TMEM170A: variants seen among roughly 807,000 people sequenced by gnomAD.
The protein encoded by TMEM170A is transmembrane protein 170.
A neutral mutation model predicts 12.8 loss-of-function variants in TMEM170A; 18 were observed. That is an observed-to-expected ratio of 1.41 (90% CI 0.97 to 2.09). The LOEUF is 2.09. Among genes scored for constraint, TMEM170A ranks in the 30% most tolerant of loss-of-function variants. The probability of loss-of-function intolerance (pLI) is 0.00; values close to 1 mark genes in which losing one functional copy is unlikely to be tolerated. For missense variants in TMEM170A, 220 were observed against 179.9 expected, an observed-to-expected ratio of 1.22 and a Z score of -1.28; for synonymous variants, 107 against 76.2, an observed-to-expected ratio of 1.40 and a Z score of -2.11.
At chr16:75,461,876 G>C (rs540836732) in intron 1 of TMEM170A, among the ~76,000 whole-genome samples, 5 of 152,252 alleles carry the variant, frequency 3.3e-5, no homozygotes, top group African/African-American at 9.6e-5. Flanking sequence ...TCAGAAAAAA[G>C]TTCTGAAAGT....
intron 1 of TMEM170A, among the ~76,000 whole-genome samples, chr16:75,456,095 G>A (rs868789984): frequency 4.6e-5 from 7 of 152,276 alleles, no homozygotes; most frequent in South Asian, 2.1e-4. Context: ...GGAGATAGGG[G>A]TGGAGCCAAA....
rs2079531166 is a variant in TMEM170A, at chr16:75,443,227, A to G, written c.*4331T>C. On this transcript the variant is annotated 3_prime_UTR_variant, in exon 3 of 3. Coordinates refer to ENST00000561878, the MANE Select transcript of TMEM170A (RefSeq NM_145254.3). ...AACTCATTAGCCACCAAAAAGAAAT[A>G]TAATTCCAACTCAGAATTGAAAGTA... 6.6e-6 allele frequency: 1 copy of G among 152,244 alleles called. No homozygotes were observed. Among genetic ancestry groups the G allele is most frequent in the Non-Finnish European group, 1.5e-5 (1 of 68,038 alleles). 9.4% of individuals were successfully genotyped at this position (152,244 alleles called of 1,614,324 possible). A position where few individuals can be genotyped will look rare whatever the true frequency, so the allele number is the denominator to read the frequency against.
At position 75,464,541 on chromosome 16, in the gene TMEM170A, C is replaced by G; in HGVS notation, c.60G>C (p.Leu20=). The change falls in exon 1 of 3, where the codon CTG becomes CTC. Residue 20 remains leucine (L), a synonymous_variant. Coordinates refer to ENST00000561878, the MANE Select transcript of TMEM170A (RefSeq NM_145254.3). ...CCACCCGCGGCACAACCTTCAGGCT[C>G]AGGATCTGCTGCAGGAGCCCGGCCG... ...GGSAGLLQQI[L]SLKVVPRVGN... is the part of the protein sequence containing the mutation. The G allele has an allele frequency of 6.3e-7, 1 of 1,589,532 alleles. No individual in the cohort carries two copies. The highest frequency in any genetic ancestry group is 8.5e-7 in the Non-Finnish European group (1 of 1,170,374).
At chr16:75,451,237 GA>G (rs35642701) in intron 2 of TMEM170A, among the ~76,000 whole-genome samples, 80,878 of 150,626 alleles carry the variant, frequency 0.54, 22,247 homozygotes, top group Admixed American at 0.64. Context: ...CTTGGGGGTG[GA>G]AAAAAAAAAT....
intron 1 of TMEM170A, among the ~76,000 whole-genome samples, chr16:75,463,728 A>C (rs9930742): frequency 6.6e-6 from 1 of 151,916 alleles, no homozygotes; most frequent in East Asian, 1.9e-4. Flanking sequence ...CTCCTTCCCA[A>C]GTGAAGTCCT....
At chr16:75,455,680 C>T (rs1231416250) in intron 1 of TMEM170A, among the ~76,000 whole-genome samples, 1 of 152,122 alleles carries the variant, frequency 6.6e-6, no homozygotes, top group Non-Finnish European at 1.5e-5. Flanking sequence ...TGGCAAATGC[C>T]TGTAATCCCA....
chr16:75,451,794 A>G lies in TMEM170A; in HGVS notation c.179T>C (p.Phe60Ser), dbSNP rs1159205113. 5.6e-6 allele frequency: 9 copies of G among 1,613,976 alleles called. No homozygotes were observed. The highest frequency in any genetic ancestry group is 7.6e-6 in the Non-Finnish European group (9 of 1,180,030). ...CAGTAATCCAGCAGGGACATGAAAG[A>G]AGAGAGAAGACACCAGTGCCCACAG... ...VFLWALVSSL[F>S]FHVPAGLLAL... The change falls in exon 2 of 3, where the codon TTC (phenylalanine) becomes TCC (serine). Residue 60 changes from phenylalanine (F) to serine (S), a missense_variant. Coordinates refer to ENST00000561878, the MANE Select transcript of TMEM170A (RefSeq NM_145254.3).
chr16:75,447,668 A>G lies in TMEM170A; in HGVS notation c.325T>C (p.Tyr109His), dbSNP rs969546326. The change falls in exon 3 of 3, where the codon TAC (tyrosine) becomes CAC (histidine). Residue 109 changes from tyrosine to histidine, a missense_variant. Coordinates refer to ENST00000561878, the MANE Select transcript of TMEM170A (RefSeq NM_145254.3). Reference protein sequence around the residue: ...ILTSAAIAGVYRAAGKEMIPF... With the variant: ...ILTSAAIAGVHRAAGKEMIPF... ...ATCATTTCCTTCCCTGCTGCTCGGT[A>G]AACTCCAGCAATAGCTGCACCTGAT... is the stretch of plus-strand genomic sequence containing the variant. 4 of 1,604,260 alleles carry G rather than the reference A, an allele frequency of 2.5e-6. No individual in the cohort carries two copies. Among genetic ancestry groups the G allele is most frequent in the Admixed American group, 3.5e-5 (2 of 57,660 alleles).
chr16:75,464,694 C>T, upstream of TMEM170A: 1 of 1,465,528 alleles, frequency 6.8e-7, no homozygotes, highest in Non-Finnish European at 9.0e-7. Flanking sequence ...AGCGTCACCT[C>T]CAGCCGGGGT....
chr16:75,460,373 G>C (rs2079881754), intron 1 of TMEM170A, among the ~76,000 whole-genome samples: 1 of 152,082 alleles, frequency 6.6e-6, no homozygotes, highest in South Asian at 2.1e-4. Flanking sequence ...CCCCAGTAGA[G>C]CCCTCCAGGA....
At chr16:75,453,831 T>C (rs972059713) in intron 1 of TMEM170A, among the ~76,000 whole-genome samples, 2 of 152,216 alleles carry the variant, frequency 1.3e-5, no homozygotes, top group Non-Finnish European at 2.9e-5. Context: ...TCATCAACTA[T>C]GTATGAAAAA....
Position 75,447,102 on chromosome 16 carries a change from T to C in TMEM170A, c.*456A>G, listed in dbSNP as rs935512970. The C allele has an allele frequency of 6.6e-6, 1 of 152,306 alleles. No homozygotes were observed. Among genetic ancestry groups the C allele is most frequent in the Admixed American group, 6.5e-5 (1 of 15,284 alleles). 9.4% of individuals were successfully genotyped at this position (152,306 alleles called of 1,614,324 possible). On this transcript the variant is annotated 3_prime_UTR_variant, in exon 3 of 3. Transcript: ENST00000561878. ...TATTTGGCATTTATTGTCACTAAGA[T>C]GTAGCAAAGAAAAGAGTTTGCCAAA...
Position 75,464,524 on chromosome 16 carries a change from G to T in TMEM170A, c.77C>A (p.Pro26Gln), listed in dbSNP as rs199826342. 417 of 1,586,062 alleles carry T rather than the reference G, an allele frequency of 2.6e-4. 1 individual carries two copies. The highest frequency in any genetic ancestry group is 7.4e-4 in the Admixed American group (42 of 56,626). ...GCACAGGGTCCCGTTGCCCACCCGCGGCACAACCTTCAGGCTCAGGATCTG... is the reference window on the plus strand; with the variant it reads ...GCACAGGGTCCCGTTGCCCACCCGCTGCACAACCTTCAGGCTCAGGATCTG... ...LQQILSLKVV[P>Q]RVGNGTLCPN... Residue 26 changes from proline (P) to glutamine (Q), a missense_variant, in exon 1 of 3, where the codon CCG (proline) becomes CAG (glutamine). Transcript: ENST00000561878.
chr16:75,461,786 G>A (rs775820384), intron 1 of TMEM170A, among the ~76,000 whole-genome samples: 13 of 152,132 alleles, frequency 8.5e-5, no homozygotes, highest in South Asian at 2.1e-4. Context: ...CTGAATAAAC[G>A]ATCTCTGGTA....
In TMEM170A at chr16:75,464,641, CG is replaced by C. The variant is rs2079967050; in HGVS notation, c.-42del. On this transcript the variant is annotated 5_prime_UTR_variant, in exon 1 of 3. Coordinates refer to ENST00000561878, the MANE Select transcript of TMEM170A (RefSeq NM_145254.3). ...CACAGAGAAATGAGGGACGAGCGCC[CG>C]AAGTGCGGTAGCGGCCGGCGCCGAC... The C allele has an allele frequency of 1.9e-6, 3 of 1,551,552 alleles. No homozygotes were observed. The highest frequency in any genetic ancestry group is 2.8e-5 in the African/African-American group (2 of 70,312).
chr16:75,447,765 ATAC>A (rs1367566504), intron 2 of TMEM170A, 77 bp from the exon 3 acceptor site: 2 of 1,447,064 alleles, frequency 1.4e-6, no homozygotes, highest in Non-Finnish European at 1.9e-6. Context: ...AACATTTAAA[ATAC>A]TACTGCGAGT....
intron 1 of TMEM170A, among the ~76,000 whole-genome samples, chr16:75,461,028 T>G (rs1279000629): frequency 1.3e-5 from 2 of 152,194 alleles, no homozygotes; most frequent in South Asian, 2.1e-4. Context: ...AATTTTAAAC[T>G]GCATTTGCAG....
rs1011543557 is a variant in TMEM170A, at chr16:75,444,955, A to AGG, written c.*2601_*2602dup. ...ACTTCAAAAGTTACTGTTTAAGAGG[A>AGG]GGGGCCCACTAACTACTGGTCTATA... On this transcript the variant is annotated 3_prime_UTR_variant, in exon 3 of 3. Coordinates refer to ENST00000561878, the MANE Select transcript of TMEM170A (RefSeq NM_145254.3). 7.2e-5 allele frequency: 11 copies of AGG among 152,182 alleles called. No homozygotes were observed. Among genetic ancestry groups the AGG allele is most frequent in the Non-Finnish European group, 1.0e-4 (7 of 68,030 alleles). The allele number at this position is 152,182 out of a possible 1,614,324, so 9.4% of individuals were successfully genotyped here. A position where few individuals can be genotyped will look rare whatever the true frequency, so the allele number is the denominator to read the frequency against.
intron 1 of TMEM170A, among the ~76,000 whole-genome samples, chr16:75,460,420 A>G (rs2151649049): frequency 6.6e-6 from 1 of 152,214 alleles, no homozygotes; most frequent in African/African-American, 2.4e-5. Flanking sequence ...TTGCCGACAC[A>G]GTCCCTCCAG....
Sources: gnomAD v4.1 joint callset for allele counts (sites outside exome capture counted in the v4.1 genomes callset) on GRCh38, gnomAD v4.1.1 for gene constraint, MANE v1.5 for transcripts, NCBI Gene and HGNC (gene_info 2026-07-23, HGNC 2026-07-21) for gene names.